Variants in ARFGEF2 observed in about 807,000 individuals in gnomAD.
ARFGEF2 encodes ARF guanine nucleotide exchange factor 2, also known as brefeldin A-inhibited guanine nucleotide-exchange protein 2.
Under a neutral mutation model 219.9 loss-of-function variants are expected in ARFGEF2, and 74 were observed. The ratio of observed to expected loss-of-function variants is 0.34; its 90% CI spans 0.28 to 0.41. The LOEUF (loss-of-function observed/expected upper bound fraction) is 0.41, where lower values mean the gene tolerates loss of function less well. ARFGEF2 is among the 10% of genes least tolerant of loss of function. The pLI is 1.00. For missense variants in ARFGEF2, 1,743 were observed against 2,218.3 expected (o/e 0.79, Z 4.30); for synonymous variants, 733 against 799.2 (o/e 0.92, Z 1.40).
chr20:48,994,570 A>G lies in ARFGEF2; in HGVS notation c.3093A>G (p.Ala1031=). Residue 1031 remains alanine, a synonymous_variant, in exon 22 of 39, where the codon GCA becomes GCG. Transcript: ENST00000371917. The part of the protein sequence containing the change: ...REGSLKGHTL[A]GEEFMGLGLG... Reference sequence around the variant, plus strand: ...GGAGCCTGAAGGGCCACACATTGGCAGGAGAAGAGTTCATGGGCCTTGGCC... The same window carrying G: ...GGAGCCTGAAGGGCCACACATTGGCGGGAGAAGAGTTCATGGGCCTTGGCC... 1 of 1,614,108 alleles carries G rather than the reference A, an allele frequency of 6.2e-7. No individual in the cohort carries two copies. Among genetic ancestry groups the G allele is most frequent in the Non-Finnish European group, 8.5e-7 (1 of 1,180,036 alleles).
At chr20:48,965,661 A>C (rs899369410) in intron 7 of ARFGEF2, among the ~76,000 whole-genome samples, 1 of 152,204 alleles carries the variant, frequency 6.6e-6, no homozygotes, top group Non-Finnish European at 1.5e-5. Flanking sequence ...TGGCCCTGGC[A>C]GTGGGGCTGT....
intron 23 of ARFGEF2, 79 bp from the exon 24 acceptor site, chr20:48,998,114 C>A: frequency 7.4e-7 from 1 of 1,352,354 alleles, no homozygotes; most frequent in Non-Finnish European, 1.1e-6. Context: ...CCCTCCTCGG[C>A]CTCCCAAAGT....
chr20:48,990,664 T>G (rs1270041944), intron 20 of ARFGEF2, among the ~76,000 whole-genome samples: 1 of 152,234 alleles, frequency 6.6e-6, no homozygotes, highest in Non-Finnish European at 1.5e-5. Context: ...AAAGTCTCTC[T>G]GAGACACCAA....
At chr20:48,967,844 G>A (rs1170725927) in intron 8 of ARFGEF2, among the ~76,000 whole-genome samples, 1 of 152,114 alleles carries the variant, frequency 6.6e-6, no homozygotes, top group Non-Finnish European at 1.5e-5. Context: ...TGAGTAATAA[G>A]GTCATTTAGA....
At chr20:48,956,202 C>G (rs1310997591) in intron 6 of ARFGEF2, among the ~76,000 whole-genome samples, 3 of 152,226 alleles carry the variant, frequency 2.0e-5, no homozygotes, top group Non-Finnish European at 4.4e-5. Flanking sequence ...CACAGACTGT[C>G]CTGTAGTAAT....
chr20:48,925,071 G>A (rs954480489), intron 1 of ARFGEF2, among the ~76,000 whole-genome samples: 5 of 152,150 alleles, frequency 3.3e-5, no homozygotes, highest in African/African-American at 1.2e-4. Context: ...CAGTAAATAA[G>A]AATGTAATTA....
chr20:48,934,153 G>T (rs1395942939), intron 1 of ARFGEF2, among the ~76,000 whole-genome samples: 5 of 148,504 alleles, frequency 3.4e-5, no homozygotes, highest in Non-Finnish European at 7.4e-5. Context: ...AAGATTCAGG[G>T]AAGTTTAATA....
At chr20:49,023,817 C>T (rs1217799574) in intron 35 of ARFGEF2, among the ~76,000 whole-genome samples, 2 of 152,112 alleles carry the variant, frequency 1.3e-5, no homozygotes, top group African/African-American at 2.4e-5. Flanking sequence ...GGATTACAGG[C>T]GTGAGCCACC....
intron 9 of ARFGEF2, among the ~76,000 whole-genome samples, chr20:48,970,482 C>T (rs55662383): frequency 0.024 from 3,643 of 149,082 alleles, 64 homozygotes; most frequent in Middle Eastern, 0.036. Flanking sequence ...TGGTGGCAGG[C>T]GCCTGTAATC....
intron 6 of ARFGEF2, among the ~76,000 whole-genome samples, chr20:48,959,571 C>T (rs544281048): frequency 1.1e-4 from 8 of 75,678 alleles, no homozygotes; most frequent in African/African-American, 2.2e-4. Flanking sequence ...CCCTCCCTCC[C>T]TCCTTCCTTC....
intron 21 of ARFGEF2, among the ~76,000 whole-genome samples, chr20:48,992,325 C>T (rs541990786): frequency 1.3e-5 from 2 of 152,216 alleles, no homozygotes; most frequent in East Asian, 3.9e-4. Context: ...CTAATTTTTT[C>T]TGCCATCTAC....
intron 1 of ARFGEF2, among the ~76,000 whole-genome samples, chr20:48,936,494 G>A (rs922367673): frequency 4.6e-5 from 7 of 151,800 alleles, no homozygotes; most frequent in African/African-American, 1.5e-4. Flanking sequence ...CTTCTCGGAC[G>A]GGGCGGTTGC....
chr20:49,018,940 G>GTTA lies in ARFGEF2; in HGVS notation c.4566_4567insTTA (p.Arg1522_Gly1523insLeu), dbSNP rs2091547302. 1 of 1,613,926 alleles carries GTTA rather than the reference G, an allele frequency of 6.2e-7. No homozygotes were observed. The highest frequency in any genetic ancestry group is 8.5e-7 in the Non-Finnish European group (1 of 1,179,954). On this transcript the variant is annotated inframe_insertion, in exon 34 of 39. Coordinates refer to ENST00000371917, the MANE Select transcript of ARFGEF2 (RefSeq NM_006420.3). ...GCATAGATAAAAATCCCTCTGAGAG[G>GTTA]GGACAGAGCCAGCTCTCTAACCCAA...
chr20:49,032,888 C>T (rs1347160288), intron 38 of ARFGEF2, 135 bp from the exon 39 acceptor site: 7 of 901,904 alleles, frequency 7.8e-6, no homozygotes, highest in South Asian at 1.5e-5. Context: ...TCACTGCGCT[C>T]GGCCCCAACT....
At chr20:48,958,244 GC>G (rs1159851234) in intron 6 of ARFGEF2, among the ~76,000 whole-genome samples, 3 of 152,102 alleles carry the variant, frequency 2.0e-5, no homozygotes, top group Non-Finnish European at 4.4e-5. Flanking sequence ...TGTTTTAAAT[GC>G]TTTATGTGTA....
intron 12 of ARFGEF2, among the ~76,000 whole-genome samples, chr20:48,973,647 T>G (rs1055694116): frequency 3.9e-5 from 6 of 152,166 alleles, no homozygotes; most frequent in Non-Finnish European, 7.3e-5. Context: ...AGGATCCCAG[T>G]CTGCAATAGG....
intron 34 of ARFGEF2, 24 bp from the exon 35 acceptor site, chr20:49,023,027 G>A (rs753811365): frequency 1.9e-6 from 3 of 1,613,970 alleles, no homozygotes; most frequent in Admixed American, 3.3e-5. Flanking sequence ...CATTATTAGG[G>A]TTAATCTTTA....
At chr20:48,937,962 A>G (rs1225030286) in intron 1 of ARFGEF2, among the ~76,000 whole-genome samples, 1 of 152,200 alleles carries the variant, frequency 6.6e-6, no homozygotes. Flanking sequence ...TTTCATGGTT[A>G]GTGTCAGTGC....
At chr20:48,998,829 G>C (rs2091407528) in intron 25 of ARFGEF2, among the ~76,000 whole-genome samples, 1 of 152,152 alleles carries the variant, frequency 6.6e-6, no homozygotes, top group Non-Finnish European at 1.5e-5. Flanking sequence ...ATCCAGAAAG[G>C]CCTTTTAAAT....
Sources: allele counts gnomAD v4.1 joint callset (sites outside exome capture counted in the v4.1 genomes callset), GRCh38; gene constraint gnomAD v4.1.1; transcripts MANE v1.5; gene names NCBI Gene and HGNC (gene_info 2026-07-23, HGNC 2026-07-21).